Variants in SYNPO2 observed in about 807,000 individuals in gnomAD.
SYNPO2 encodes the protein synaptopodin-2.
Under a neutral mutation model 85.0 loss-of-function variants are expected in SYNPO2, and 56 were observed. The ratio of observed to expected loss-of-function variants is 0.66; its 90% CI spans 0.53 to 0.82. The LOEUF (loss-of-function observed/expected upper bound fraction) is 0.82. SYNPO2 is among the 40% of genes least tolerant of loss of function. SYNPO2 has a pLI of 0.00. For synonymous variants in SYNPO2, 602 were observed against 591.1 expected (o/e 1.02, Z -0.27); for missense variants, 1,575 against 1,534.2 (o/e 1.03, Z -0.44).
rs912197277 is a variant in SYNPO2, at chr4:118,940,134, C to A, written c.105+50993C>A. Among the ~76,000 whole-genome samples the A allele has an allele frequency of 1.3e-5, 2 of 151,952 alleles. 1 individual carries two copies. The highest frequency in any genetic ancestry group is 4.2e-4 in the South Asian group (2 of 4,794). ...TCGAGTAGCTGGGACCACAGGTACA[C>A]GCCACCAAGCCCAGTTAATTTTTGT... On this transcript the variant is annotated intron_variant, in intron 1 of 4. Coordinates refer to ENST00000307142, the MANE Select transcript of SYNPO2 (RefSeq NM_133477.3).
intron 1 of SYNPO2, among the ~76,000 whole-genome samples, chr4:119,008,242 CAT>C (rs1360211006): frequency 6.6e-6 from 1 of 152,154 alleles, no homozygotes; most frequent in African/African-American, 2.4e-5. Flanking sequence ...ATTATCAAGA[CAT>C]GTCATATATC....
intron 1 of SYNPO2, among the ~76,000 whole-genome samples, chr4:118,975,756 G>C (rs1735700710): frequency 6.6e-6 from 1 of 152,192 alleles, no homozygotes; most frequent in African/African-American, 2.4e-5. Flanking sequence ...CCAGCATTAA[G>C]TGACCCAGTC....
At chr4:118,929,593 T>C (rs1733851861) in intron 1 of SYNPO2, among the ~76,000 whole-genome samples, 1 of 152,114 alleles carries the variant, frequency 6.6e-6, no homozygotes, top group African/African-American at 2.4e-5. Flanking sequence ...CGCCCCTCAC[T>C]TTAGCCAAAT....
At chr4:119,038,086 T>C in intron 4 of SYNPO2, 3 of 948,934 alleles carry the variant, frequency 3.2e-6, no homozygotes, top group Non-Finnish European at 3.8e-6. Flanking sequence ...TAGGGTTAGA[T>C]TTAGATATTT....
At chr4:119,043,932 C>G (rs1434913596) in intron 4 of SYNPO2, 2 of 73,152 alleles carry the variant, frequency 2.7e-5, no homozygotes, top group Non-Finnish European at 2.6e-5. Context: ...AGACAGACTC[C>G]GTCTCAAAAA....
At chr4:118,959,914 G>C (rs887512264) in intron 1 of SYNPO2, among the ~76,000 whole-genome samples, 7 of 152,174 alleles carry the variant, frequency 4.6e-5, no homozygotes, top group African/African-American at 1.7e-4. Flanking sequence ...ATTTGGGACG[G>C]AGGCCTTTGC....
At chr4:118,864,637 T>C (rs1731671113) in intron 1 of SYNPO2, among the ~76,000 whole-genome samples, 1 of 152,236 alleles carries the variant, frequency 6.6e-6, no homozygotes, top group East Asian at 1.9e-4. Context: ...GTGTTGGGTA[T>C]GTATTTATTT....
chr4:118,881,415 G>A (rs986109098), intron 1 of SYNPO2, among the ~76,000 whole-genome samples: 9 of 152,098 alleles, frequency 5.9e-5, no homozygotes, highest in Non-Finnish European at 1.3e-4. Context: ...AGAGGCTTCA[G>A]AAGGAACCAG....
At chr4:118,852,201 T>G (rs901116593) in intron 1 of SYNPO2, among the ~76,000 whole-genome samples, 4 of 152,198 alleles carry the variant, frequency 2.6e-5, no homozygotes, top group Admixed American at 1.3e-4. Flanking sequence ...GAATGGCTGT[T>G]GTTAAAGAGA....
chr4:119,011,920 C>CTTTT (rs548974684), intron 1 of SYNPO2, among the ~76,000 whole-genome samples: 18 of 109,604 alleles, frequency 1.6e-4, no homozygotes, highest in Non-Finnish European at 2.1e-4. Flanking sequence ...TTTCTATAGA[C>CTTTT]TTTTTTTTTT....
chr4:119,027,468 C>G (rs1175346235), intron 3 of SYNPO2, 30 bp downstream of exon 3: 5 of 1,519,506 alleles, frequency 3.3e-6, no homozygotes, highest in Non-Finnish European at 3.5e-6. Context: ...TCAGAAGGGG[C>G]TTGGGAGTTG....
At chr4:118,895,026 T>A (rs1732507618) in intron 1 of SYNPO2, among the ~76,000 whole-genome samples, 1 of 152,228 alleles carries the variant, frequency 6.6e-6, no homozygotes, top group Admixed American at 6.5e-5. Context: ...ACCTGTGTGA[T>A]GTAAATGATT....
At chr4:118,970,859 AT>A (rs1487875294) in intron 1 of SYNPO2, among the ~76,000 whole-genome samples, 2 of 152,238 alleles carry the variant, frequency 1.3e-5, no homozygotes, top group African/African-American at 2.4e-5. Context: ...TTGTCAATAA[AT>A]GAATGAATAA....
chr4:118,951,285 G>T (rs902867868), intron 1 of SYNPO2, among the ~76,000 whole-genome samples: 2 of 152,172 alleles, frequency 1.3e-5, no homozygotes, highest in African/African-American at 4.8e-5. Context: ...ATGCTGCCTT[G>T]TTGCTGCATC....
intron 1 of SYNPO2, among the ~76,000 whole-genome samples, chr4:118,941,502 C>T (rs1400246507): frequency 2.6e-5 from 4 of 152,208 alleles, no homozygotes; most frequent in Non-Finnish European, 5.9e-5. Context: ...CTAAATGAAT[C>T]TGCCCTCCCA....
chr4:119,004,580 T>A (rs1166749832), intron 1 of SYNPO2, among the ~76,000 whole-genome samples: 1 of 148,848 alleles, frequency 6.7e-6, no homozygotes, highest in Non-Finnish European at 1.5e-5. Context: ...GGCTGCATAG[T>A]ATTCCATGGG....
intron 1 of SYNPO2, among the ~76,000 whole-genome samples, chr4:119,012,966 A>G (rs1327715046): frequency 2.0e-5 from 3 of 152,140 alleles, no homozygotes; most frequent in African/African-American, 7.2e-5. Flanking sequence ...CAACTCAGAT[A>G]TTCAAGAATG....
At chr4:118,908,768 T>C (rs2149122808) in intron 1 of SYNPO2, among the ~76,000 whole-genome samples, 1 of 152,164 alleles carries the variant, frequency 6.6e-6, no homozygotes, top group Non-Finnish European at 1.5e-5. Context: ...CCTACTAAGG[T>C]TATAGGGTCC....
In SYNPO2 at chr4:119,053,649, T is replaced by C. The variant is rs1422527530; in HGVS notation, c.3253-3752T>C. ...TTTTCTCCCTGCATATTCATCTCTT[T>C]GTTAATAGGATATCACTGAACAATA... On this transcript the variant is annotated intron_variant, in intron 4 of 4. Coordinates refer to ENST00000307142, the MANE Select transcript of SYNPO2 (RefSeq NM_133477.3). Among the ~76,000 whole-genome samples the C allele has an allele frequency of 1.3e-5, 2 of 152,242 alleles. 1 individual carries two copies.
Sources: gnomAD v4.1 joint callset for allele counts (sites outside exome capture counted in the v4.1 genomes callset) on GRCh38, gnomAD v4.1.1 for gene constraint, MANE v1.5 for transcripts, NCBI Gene and HGNC (gene_info 2026-07-23, HGNC 2026-07-21) for gene names.